Variants in GABRR2 observed in about 807,000 individuals in gnomAD.
GABRR2 encodes gamma-aminobutyric acid type A receptor subunit rho2, also known as gamma-aminobutyric acid receptor subunit rho-2.
A neutral mutation model predicts 47.0 loss-of-function variants in GABRR2; 36 were observed. The observed-to-expected ratio is 0.77, with a 90% CI of 0.59 to 1.01. The LOEUF is 1.01. Among genes scored for constraint, GABRR2 ranks in the 50% least tolerant of loss-of-function variants. The pLI is 0.00. For synonymous variants in GABRR2, 204 were observed against 227.5 expected, an observed-to-expected ratio of 0.90 and a Z score of 0.93; for missense variants, 587 against 594.6, an observed-to-expected ratio of 0.99 and a Z score of 0.13.
chr6:89,290,213 G>A (rs1774413483), intron 2 of GABRR2, among the ~76,000 whole-genome samples: 1 of 152,230 alleles, frequency 6.6e-6, no homozygotes, highest in Admixed American at 6.5e-5. Flanking sequence ...TTCAGAACTT[G>A]CAGACTCCAG....
chr6:89,278,663 T>C (rs1370774375), intron 2 of GABRR2, among the ~76,000 whole-genome samples: 1 of 152,188 alleles, frequency 6.6e-6, no homozygotes, highest in Non-Finnish European at 1.5e-5. Context: ...CTTTTCCTAG[T>C]GTAACACTCA....
chr6:89,278,392 C>T (rs537554776), intron 2 of GABRR2, among the ~76,000 whole-genome samples: 1 of 152,202 alleles, frequency 6.6e-6, no homozygotes, highest in Non-Finnish European at 1.5e-5. Flanking sequence ...TTTCACTGTA[C>T]ACTTGTTTAG....
intron 2 of GABRR2, among the ~76,000 whole-genome samples, chr6:89,275,476 C>G (rs9294428): frequency 0.59 from 89,597 of 151,496 alleles, 26,509 homozygotes; most frequent in East Asian, 0.7. Context: ...GTTTCACCAT[C>G]TTGGCCAGGC....
rs765167417 is a variant in GABRR2, at chr6:89,268,050, G to A, written c.559C>T (p.Leu187=). Residue 187 remains leucine, a synonymous_variant, in exon 5 of 9, where the codon CTG becomes TTG. Coordinates refer to ENST00000402938, the MANE Select transcript of GABRR2 (RefSeq NM_002043.5). The part of the protein sequence containing the change: ...MCNMDFSHFP[L]DSQTCSLELE... ...TCCAAAGAACAGGTCTGGGAGTCCAGGGGAAAGTGGCTGAAGTCCATGTTG... is the reference window on the plus strand; with the variant it reads ...TCCAAAGAACAGGTCTGGGAGTCCAAGGGAAAGTGGCTGAAGTCCATGTTG... 6.8e-6 allele frequency: 11 copies of A among 1,611,886 alleles called. No homozygotes were observed. The Admixed American group carries it at 8.4e-5, about 12-fold the overall frequency.
At chr6:89,290,662 A>G (rs1479758933) in intron 2 of GABRR2, among the ~76,000 whole-genome samples, 1 of 152,168 alleles carries the variant, frequency 6.6e-6, no homozygotes, top group African/African-American at 2.4e-5. Context: ...CACTGACAAC[A>G]GGTCCTTGCC....
Position 89,282,543 on chromosome 6 carries a change from T to C in GABRR2, c.221-10821A>G, listed in dbSNP as rs572596718. Among the ~76,000 whole-genome samples the C allele has an allele frequency of 1.3e-3, 200 of 152,374 alleles. 1 individual carries two copies. Among genetic ancestry groups the C allele is most frequent in the Non-Finnish European group, 2.3e-3 (159 of 68,034 alleles). On this transcript the variant is annotated intron_variant, in intron 2 of 8. Coordinates refer to ENST00000402938, the MANE Select transcript of GABRR2 (RefSeq NM_002043.5). The stretch of plus-strand genomic sequence containing the variant: ...GACACATTGCTTCAATATCCACCAT[T>C]ATCTTTGTCACCATGAAATGACATG...
chr6:89,302,022 T>C, intron 1 of GABRR2: 1 of 679,602 alleles, frequency 1.5e-6, no homozygotes, highest in Non-Finnish European at 2.7e-6. Context: ...TCGGGGCCTT[T>C]TGGACATTTT....
chr6:89,274,882 T>C (rs180751288), intron 2 of GABRR2, among the ~76,000 whole-genome samples: 241 of 151,886 alleles, frequency 1.6e-3, no homozygotes, highest in African/African-American at 5.4e-3. Context: ...TAAATAATTT[T>C]TAAAAAAATA....
At chr6:89,261,077 A>T (rs895041033) in intron 8 of GABRR2, among the ~76,000 whole-genome samples, 1 of 152,232 alleles carries the variant, frequency 6.6e-6, no homozygotes, top group Non-Finnish European at 1.5e-5. Context: ...CTTTAAACAA[A>T]GTCATACAGT....
rs146205316 is a variant in GABRR2 at position 89,292,679 on chromosome 6, T to C, written c.220+7080A>G. On this transcript the variant is annotated intron_variant, in intron 2 of 8. Coordinates refer to ENST00000402938, the MANE Select transcript of GABRR2 (RefSeq NM_002043.5). ...TATCAGATATATATCGTATCTCTGA[T>C]ATATATCAGATATATATCGTATCTC... 0.016 allele frequency among the ~76,000 whole-genome samples: 2,149 copies of C among 137,306 alleles called. 310 individuals are homozygous for C. The East Asian group carries it at 0.21, about 13-fold the overall frequency. 90.1% of individuals were successfully genotyped at this position (137,306 alleles called of 152,430 possible).
rs984669322 is a variant in GABRR2 at position 89,287,461 on chromosome 6, A to T, written c.220+12298T>A. On this transcript the variant is annotated intron_variant, in intron 2 of 8. Coordinates refer to ENST00000402938, the MANE Select transcript of GABRR2 (RefSeq NM_002043.5). ...GCCAGGAGCTGTGTCGAGAAGGCAC[A>T]GGCCCACTGGCTCCTCAGGAACAGG... Among the ~76,000 whole-genome samples, 12 of 152,246 alleles carry T rather than the reference A, an allele frequency of 7.9e-5. No homozygotes were observed. In the East Asian group the frequency reaches 2.3e-3, roughly 29 times the overall value.
intron 2 of GABRR2, among the ~76,000 whole-genome samples, chr6:89,290,794 C>T (rs996052259): frequency 9.9e-5 from 15 of 152,186 alleles, no homozygotes; most frequent in African/African-American, 2.4e-4. Context: ...GGCCCAGCTA[C>T]GGGCTGCATC....
chr6:89,310,615 C>T (rs1257184143), intron 1 of GABRR2, among the ~76,000 whole-genome samples: 1 of 152,104 alleles, frequency 6.6e-6, no homozygotes, highest in Non-Finnish European at 1.5e-5. Context: ...TGATTCCTAA[C>T]TCAGCATCCC....
At chr6:89,305,928 A>G (rs912401986) in intron 1 of GABRR2, among the ~76,000 whole-genome samples, 5 of 152,140 alleles carry the variant, frequency 3.3e-5, no homozygotes, top group African/African-American at 9.7e-5. Context: ...CCGAGTCTGC[A>G]TGTATACCCC....
At chr6:89,298,811 G>A (rs896543274) in intron 2 of GABRR2, among the ~76,000 whole-genome samples, 1 of 152,192 alleles carries the variant, frequency 6.6e-6, no homozygotes, top group Admixed American at 6.5e-5. Context: ...ACTAGGAAGT[G>A]GGCCTTTGGA....
intron 2 of GABRR2, among the ~76,000 whole-genome samples, chr6:89,276,031 T>C (rs1237247340): frequency 6.7e-6 from 1 of 149,002 alleles, no homozygotes; most frequent in African/African-American, 2.4e-5. Flanking sequence ...TCTAATTTTT[T>C]CTATTAAAAT....
At chr6:89,277,647 TA>T (rs201148258) in intron 2 of GABRR2, among the ~76,000 whole-genome samples, 15 of 146,902 alleles carry the variant, frequency 1.0e-4, no homozygotes, top group African/African-American at 1.8e-4. Context: ...ATCTAAAATC[TA>T]AAAAAAAAAG....
intron 1 of GABRR2, chr6:89,302,886 C>T: frequency 2.4e-6 from 3 of 1,226,210 alleles, no homozygotes; most frequent in Non-Finnish European, 3.5e-6. Context: ...CACGGGCATC[C>T]AGGAGCTGTT....
intron 2 of GABRR2, among the ~76,000 whole-genome samples, chr6:89,274,033 T>G (rs1276816994): frequency 6.6e-6 from 1 of 152,262 alleles, no homozygotes; most frequent in African/African-American, 2.4e-5. Flanking sequence ...GAGCTAGTTT[T>G]GGCTCAGGCA....
Sources: gnomAD v4.1 joint callset for allele counts (sites outside exome capture counted in the v4.1 genomes callset) on GRCh38, gnomAD v4.1.1 for gene constraint, MANE v1.5 for transcripts, NCBI Gene and HGNC (gene_info 2026-07-23, HGNC 2026-07-21) for gene names.